TYW1B: variants seen among roughly 807,000 people sequenced by gnomAD.
TYW1B encodes S-adenosyl-L-methionine-dependent tRNA 4-demethylwyosine synthase TYW1B.
A neutral mutation model predicts 86.9 loss-of-function variants in TYW1B; 73 were observed. The ratio of observed to expected loss-of-function variants is 0.84; its 90% CI spans 0.70 to 1.02. The LOEUF is 1.02. TYW1B is among the 50% of genes least tolerant of loss of function. The pLI, the probability that TYW1B is intolerant of heterozygous loss-of-function variation, is 0.00. For missense variants in TYW1B, 637 were observed against 827.4 expected, an observed-to-expected ratio of 0.77 and a Z score of 2.82; for synonymous variants, 248 against 292.8, an observed-to-expected ratio of 0.85 and a Z score of 1.56.
At chr7:72,638,596 G>A (rs1242591967) in intron 11 of TYW1B, among the ~76,000 whole-genome samples, 38 of 152,272 alleles carry the variant, frequency 2.5e-4, no homozygotes, top group Admixed American at 4.6e-4. Flanking sequence ...TTAATATCAG[G>A]AGCAAAGCAA....
Position 72,632,367 on chromosome 7 carries a change from G to A in TYW1B, c.1507-3370C>T, listed in dbSNP as rs1244096838. On this transcript the variant is annotated intron_variant, in intron 11 of 13. Coordinates refer to ENST00000620995, the MANE Select transcript of TYW1B (RefSeq NM_001145440.3). ...TATATTATATATATTATATATATAC[G>A]CATATATATTATATATATACGTATA... Among the ~76,000 whole-genome samples the A allele has an allele frequency of 7.1e-3, 426 of 60,360 alleles. 10 individuals are homozygous for A. Among genetic ancestry groups the A allele is most frequent in the African/African-American group, 0.036 (390 of 10,942 alleles). 39.6% of individuals were successfully genotyped at this position (60,360 alleles called of 152,430 possible).
chr7:72,630,228 G>A (rs557772275), intron 11 of TYW1B, among the ~76,000 whole-genome samples: 2 of 152,212 alleles, frequency 1.3e-5, no homozygotes, highest in East Asian at 3.9e-4. Context: ...GCAGTGAGCT[G>A]AGATCATGCC....
intron 12 of TYW1B, among the ~76,000 whole-genome samples, chr7:72,622,612 C>G (rs185235274): frequency 6.6e-6 from 1 of 151,980 alleles, no homozygotes; most frequent in Non-Finnish European, 1.5e-5. Flanking sequence ...CACGCACACA[C>G]GGACACACAC....
At chr7:72,619,393 G>A (rs1273602622) in intron 12 of TYW1B, among the ~76,000 whole-genome samples, 1 of 152,110 alleles carries the variant, frequency 6.6e-6, no homozygotes, top group Non-Finnish European at 1.5e-5. Context: ...TGTAATCCCA[G>A]CACTTTGGGA....
At chr7:72,787,444 C>A (rs1345492782) in intron 6 of TYW1B, among the ~76,000 whole-genome samples, 1 of 138,388 alleles carries the variant, frequency 7.2e-6, no homozygotes, top group East Asian at 2.1e-4. Flanking sequence ...GCCTGGGCGA[C>A]ACAGTGAGAC....
intron 13 of TYW1B, among the ~76,000 whole-genome samples, chr7:72,608,957 CACA>C (rs1271350058): frequency 6.6e-6 from 1 of 152,192 alleles, no homozygotes; most frequent in Admixed American, 6.5e-5. Flanking sequence ...ACTAAACACA[CACA>C]TGTGAGTGCA....
At chr7:72,825,633 G>T (rs1201402480) in intron 2 of TYW1B, among the ~76,000 whole-genome samples, 1 of 152,144 alleles carries the variant, frequency 6.6e-6, no homozygotes, top group Non-Finnish European at 1.5e-5. Context: ...AGCCGAGATC[G>T]TGCCACTGCA....
At chr7:72,675,777 A>G (rs1199120294) in intron 11 of TYW1B, among the ~76,000 whole-genome samples, 1 of 152,122 alleles carries the variant, frequency 6.6e-6, no homozygotes, top group African/African-American at 2.4e-5. Context: ...TGTGAAAAAA[A>G]GCCAATTTAT....
intron 10 of TYW1B, among the ~76,000 whole-genome samples, chr7:72,703,567 T>C (rs1814541713): frequency 6.6e-6 from 1 of 151,928 alleles, no homozygotes. Context: ...AAAGAATTTG[T>C]ATTCAGACCA....
At chr7:72,684,983 G>T (rs1336207309) in intron 11 of TYW1B, among the ~76,000 whole-genome samples, 1 of 152,008 alleles carries the variant, frequency 6.6e-6, no homozygotes, top group Non-Finnish European at 1.5e-5. Context: ...GTAATGGCGA[G>T]TGCCTGTAAT....
intron 13 of TYW1B, among the ~76,000 whole-genome samples, chr7:72,603,638 T>G (rs562406211): frequency 6.6e-6 from 1 of 152,260 alleles, no homozygotes; most frequent in South Asian, 2.1e-4. Context: ...TGGAGAAACC[T>G]GACAAATACT....
At chr7:72,699,342 G>C (rs1262700652) in intron 10 of TYW1B, among the ~76,000 whole-genome samples, 1 of 152,184 alleles carries the variant, frequency 6.6e-6, no homozygotes, top group Non-Finnish European at 1.5e-5. Context: ...CCTGCAGCCA[G>C]GTCTCATGTC....
intron 13 of TYW1B, among the ~76,000 whole-genome samples, chr7:72,590,150 T>C (rs1408988184): frequency 1.1e-4 from 17 of 152,108 alleles, no homozygotes; most frequent in East Asian, 1.0e-3. Context: ...CTGGAGTCTA[T>C]TGAAGGCTTG....
chr7:72,777,554 G>A (rs782719640), intron 6 of TYW1B, 21 bp from the exon 7 acceptor site: 1 of 1,613,196 alleles, frequency 6.2e-7, no homozygotes, highest in East Asian at 2.2e-5. Context: ...ATAAAAGAAT[G>A]AAATCCAGAA....
Position 72,810,640 on chromosome 7 carries a change from A to G in TYW1B, c.263T>C (p.Phe88Ser), listed in dbSNP as rs200973019. ...GCCGTCAGTGTATGTCGCAACCAGG[A>G]AGACACAGACATTTTTACTAGTCAC... The part of the protein sequence containing the change: ...EEVTSKNVCV[F>S]LVATYTDGLP... The change falls in exon 4 of 14, where the codon TTC (phenylalanine) becomes TCC (serine). Residue 88 changes from phenylalanine (F) to serine (S), a missense_variant. Physicochemically the swap from Phe to Ser is radical, Grantham distance 155. Coordinates refer to ENST00000620995, the MANE Select transcript of TYW1B (RefSeq NM_001145440.3). 3 of 1,612,270 alleles carry G rather than the reference A, an allele frequency of 1.9e-6. No homozygotes were observed. The highest frequency in any genetic ancestry group is 2.5e-6 in the Non-Finnish European group (3 of 1,178,868).
chr7:72,739,445 A>C (rs765911753), intron 8 of TYW1B, among the ~76,000 whole-genome samples: 172 of 152,040 alleles, frequency 1.1e-3, no homozygotes, highest in Non-Finnish European at 1.7e-3. Context: ...CTCTGGTAAA[A>C]GATACAAAAA....
intron 8 of TYW1B, among the ~76,000 whole-genome samples, chr7:72,743,088 A>G (rs1194326400): frequency 6.6e-6 from 1 of 152,226 alleles, no homozygotes; most frequent in Non-Finnish European, 1.5e-5. Context: ...ATGACTGTGG[A>G]TGATCCAAGA....
At chr7:72,635,761 A>G (rs1354247617) in intron 11 of TYW1B, among the ~76,000 whole-genome samples, 1 of 152,230 alleles carries the variant, frequency 6.6e-6, no homozygotes, top group Non-Finnish European at 1.5e-5. Flanking sequence ...TAGAAATATA[A>G]GTTCACAGGT....
At chr7:72,725,324 C>T (rs1418669030) in intron 9 of TYW1B, among the ~76,000 whole-genome samples, 1 of 152,196 alleles carries the variant, frequency 6.6e-6, no homozygotes, top group Non-Finnish European at 1.5e-5. Flanking sequence ...GCTGATTCCT[C>T]CTCACACAAA....
Sources: gnomAD v4.1 joint callset for allele counts (sites outside exome capture counted in the v4.1 genomes callset) on GRCh38, gnomAD v4.1.1 for gene constraint, MANE v1.5 for transcripts, NCBI Gene and HGNC (gene_info 2026-07-23, HGNC 2026-07-21) for gene names.